PSORS1C1: variants seen among roughly 807,000 people sequenced by gnomAD.
PSORS1C1 encodes psoriasis susceptibility 1 candidate 1.
In PSORS1C1, 7 loss-of-function variants were observed where a neutral mutation model predicts 9.4. That is an observed-to-expected ratio of 0.75 (90% CI 0.42 to 1.40). PSORS1C1 has a LOEUF of 1.40. Ranked by LOEUF, PSORS1C1 falls within the 40% of genes most tolerant of loss-of-function variation. The pLI is 0.01. For missense variants in PSORS1C1, 146 were observed against 178.1 expected (o/e 0.82, Z 1.02); for synonymous variants, 63 against 69.4 (o/e 0.91, Z 0.46).
At chr6:31,131,704 CCT>C (rs1772920813) in intron 3 of PSORS1C1, among the ~76,000 whole-genome samples, 2 of 152,108 alleles carry the variant, frequency 1.3e-5, no homozygotes, top group South Asian at 4.1e-4. Context: ...CCATTTGTCC[CCT>C]GTGTGACCTT....
In PSORS1C1 at chr6:31,115,169, G is replaced by A. The variant is rs117140603; in HGVS notation, c.-229+278G>A. The A allele has an allele frequency of 3.8e-3, 1,274 of 336,866 alleles. 26 individuals are homozygous for A. The East Asian group carries it at 0.053, about 14-fold the overall frequency. The allele number at this position is 336,866 out of a possible 1,614,324, so 20.9% of individuals were successfully genotyped here. On this transcript the variant is annotated intron_variant, in intron 1 of 5. Transcript: ENST00000259881. The surrounding 1 kb of genome is among the most constrained non-coding windows in gnomAD (Gnocchi z 4.2). ...TAGAAGAGAAACACAGCCCGCTTTT[G>A]AAGGAAAATGAGGAACACAGAGACC... is the stretch of plus-strand genomic sequence containing the variant.
chr6:31,133,460 C>T (rs1250638679), intron 3 of PSORS1C1: 4 of 152,234 alleles, frequency 2.6e-5, no homozygotes, highest in Admixed American at 2.6e-4. Flanking sequence ...AGCTCATCAC[C>T]TGGGGGCAGC....
intron 1 of PSORS1C1, among the ~76,000 whole-genome samples, chr6:31,119,072 A>G (rs3132549): frequency 0.75 from 113,884 of 151,720 alleles, 43,019 homozygotes; most frequent in East Asian, 0.82. Flanking sequence ...TTGAACTCCT[A>G]ACCTCAGGCG....
chr6:31,138,737 A>T lies in PSORS1C1; in HGVS notation c.125A>T (p.Asn42Ile), dbSNP rs1386240460. Reference protein sequence around the residue: ...SSEETRPPHVNPDRLCHMEPA... With the variant: ...SSEETRPPHVIPDRLCHMEPA... ...GAGGAAACTCGTCCCCCCCACGTTA[A>T]TCCTGACCGACTTTGCCACATGGAG... The change falls in exon 5 of 6, where the codon AAT becomes ATT. Residue 42 changes from asparagine (N) to isoleucine (I), a missense_variant. Coordinates refer to ENST00000259881, the MANE Select transcript of PSORS1C1 (RefSeq NM_014068.3). The T allele has an allele frequency of 1.2e-6, 2 of 1,613,764 alleles. No individual in the cohort carries two copies. Among genetic ancestry groups the T allele is most frequent in the Non-Finnish European group, 1.7e-6 (2 of 1,179,972 alleles).
At position 31,126,045 on chromosome 6, in the gene PSORS1C1, G is replaced by A. The variant is rs370186719; in HGVS notation, c.-65+206G>A. Among the ~76,000 whole-genome samples, 94 of 152,030 alleles carry A rather than the reference G, an allele frequency of 6.2e-4. No individual in the cohort carries two copies. The East Asian group carries it at 8.1e-3, about 13-fold the overall frequency. On this transcript the variant is annotated intron_variant, in intron 2 of 5. Transcript: ENST00000259881. The stretch of plus-strand genomic sequence containing the variant: ...TATGTGCAAAGCCCCTGTAGGTGCT[G>A]GAGGGATTCACTGATGGCCTTGGCG...
rs1321662798 is a variant in PSORS1C1 at position 31,115,459 on chromosome 6, G to C, written c.-229+568G>C. Reference sequence around the variant, plus strand: ...TGGGTGTGTTGGGGACGGTGATCTAGGAGGGCGTGGTGAGCTCTGTAATGG... The same window carrying C: ...TGGGTGTGTTGGGGACGGTGATCTACGAGGGCGTGGTGAGCTCTGTAATGG... On this transcript the variant is annotated intron_variant, in intron 1 of 5. Transcript: ENST00000259881. This position sits in a 1 kb window ranked among gnomAD's most constrained non-coding sequence, Gnocchi z 4.2. 6.0e-6 allele frequency: 1 copy of C among 165,962 alleles called. No homozygotes were observed. The highest frequency in any genetic ancestry group is 5.5e-5 in the Admixed American group (1 of 18,154). The allele number at this position is 165,962 out of a possible 1,614,324, so 10.3% of individuals were successfully genotyped here.
rs966767692 is a variant in PSORS1C1, at chr6:31,140,042, T to C, written c.*110T>C. On this transcript the variant is annotated 3_prime_UTR_variant, in exon 6 of 6. Coordinates refer to ENST00000259881, the MANE Select transcript of PSORS1C1 (RefSeq NM_014068.3). The surrounding 1 kb of genome is among the most constrained non-coding windows in gnomAD (Gnocchi z 4.6). ...AAATAAAATTTGATTCCTCCCAGGT[T>C]GTTCCCTGCCTGGTCCGCTACCCCA... is the stretch of plus-strand genomic sequence containing the variant. 6 of 1,063,060 alleles carry C rather than the reference T, an allele frequency of 5.6e-6. No individual in the cohort carries two copies. Among genetic ancestry groups the C allele is most frequent in the Middle Eastern group, 4.2e-4 (2 of 4,766 alleles). The allele number at this position is 1,063,060 out of a possible 1,614,324, so 65.9% of individuals were successfully genotyped here. A position where few individuals can be genotyped will look rare whatever the true frequency, so the allele number is the denominator to read the frequency against.
At chr6:31,135,926 C>T (rs1377620903) in intron 3 of PSORS1C1, among the ~76,000 whole-genome samples, 1 of 152,050 alleles carries the variant, frequency 6.6e-6, no homozygotes, top group African/African-American at 2.4e-5. Context: ...AGGGGTGGTG[C>T]ACCTGTAGTC....
At chr6:31,119,432 G>A (rs889590848) in intron 1 of PSORS1C1, among the ~76,000 whole-genome samples, 5 of 152,160 alleles carry the variant, frequency 3.3e-5, no homozygotes, top group Non-Finnish European at 5.9e-5. Context: ...ATAAGTACCC[G>A]GTGGTCAACA....
At chr6:31,120,575 C>G in intron 1 of PSORS1C1, 1 of 694,150 alleles carries the variant, frequency 1.4e-6, no homozygotes. Flanking sequence ...CCGGGAGGAG[C>G]GTGGTAATCA....
chr6:31,118,934 C>T (rs1772316739), intron 1 of PSORS1C1: 1 of 149,174 alleles, frequency 6.7e-6, no homozygotes, highest in African/African-American at 2.5e-5. Flanking sequence ...CCTCTGCCTC[C>T]TTGGTGCAAG....
intron 3 of PSORS1C1, among the ~76,000 whole-genome samples, chr6:31,135,068 G>C (rs573484091): frequency 1.3e-5 from 2 of 152,068 alleles, no homozygotes; most frequent in Non-Finnish European, 2.9e-5. Flanking sequence ...CACCCGATTC[G>C]GCCTCCCGAA....
At chr6:31,126,800 C>T (rs2150967256) in intron 2 of PSORS1C1, among the ~76,000 whole-genome samples, 1 of 152,312 alleles carries the variant, frequency 6.6e-6, no homozygotes, top group East Asian at 1.9e-4. Context: ...AGTCTTTTCC[C>T]TTCACCCCCA....
At chr6:31,120,535 G>T in intron 1 of PSORS1C1, 1 of 941,012 alleles carries the variant, frequency 1.1e-6, no homozygotes, top group Non-Finnish European at 1.7e-6. Context: ...GAGGTGGAGG[G>T]GGTGGGTGCC....
intron 3 of PSORS1C1, among the ~76,000 whole-genome samples, chr6:31,135,083 T>C (rs1561771412): frequency 6.6e-6 from 1 of 152,252 alleles, no homozygotes; most frequent in Non-Finnish European, 1.5e-5. Flanking sequence ...CCCGAAGTGC[T>C]GGTATTACAG....
intron 3 of PSORS1C1, 49 bp from the exon 4 acceptor site, chr6:31,138,378 CAGG>C: frequency 1.2e-6 from 2 of 1,608,684 alleles, no homozygotes; most frequent in Non-Finnish European, 8.5e-7. Flanking sequence ...GCCCCAGCCC[CAGG>C]AGGAGGAGCC....
chr6:31,123,984 T>C (rs570487458), intron 1 of PSORS1C1, among the ~76,000 whole-genome samples: 1 of 152,208 alleles, frequency 6.6e-6, no homozygotes, highest in East Asian at 1.9e-4. Context: ...TGGGGCCTTG[T>C]GGTGCTTCAG....
At chr6:31,124,967 C>CAAA (rs9281215) in intron 1 of PSORS1C1, among the ~76,000 whole-genome samples, 1 of 149,136 alleles carries the variant, frequency 6.7e-6, no homozygotes. Flanking sequence ...GACTCCGTCT[C>CAAA]AAAAAAAAAA....
At position 31,140,014 on chromosome 6, in the gene PSORS1C1, C is replaced by A; in HGVS notation, c.*82C>A. 1.5e-6 allele frequency: 2 copies of A among 1,362,626 alleles called. No individual in the cohort carries two copies. Among genetic ancestry groups the A allele is most frequent in the South Asian group, 1.3e-5 (1 of 76,428 alleles). The allele number at this position is 1,362,626 out of a possible 1,614,324, so 84.4% of individuals were successfully genotyped here. ...TGTTAGCCTTTCAGAAGTAACATGT[C>A]CAAAATAAAATTTGATTCCTCCCAG... is the stretch of plus-strand genomic sequence containing the variant. On this transcript the variant is annotated 3_prime_UTR_variant, in exon 6 of 6. Transcript: ENST00000259881. This position sits in a 1 kb window ranked among gnomAD's most constrained non-coding sequence, Gnocchi z 4.6.
Sources: gnomAD v4.1 joint callset for allele counts (sites outside exome capture counted in the v4.1 genomes callset) on GRCh38, gnomAD v4.1.1 for gene constraint, Gnocchi (gnomAD v3.1) non-coding constraint, MANE v1.5 for transcripts, NCBI Gene and HGNC (gene_info 2026-07-23, HGNC 2026-07-21) for gene names.